NDUFA10: variants seen among roughly 807,000 people sequenced by gnomAD.
NDUFA10 encodes the protein NADH dehydrogenase [ubiquinone] 1 alpha subcomplex subunit 10, mitochondrial.
Under a neutral mutation model 47.8 loss-of-function variants are expected in NDUFA10, and 40 were observed. The ratio of observed to expected loss-of-function variants is 0.84; its 90% CI spans 0.65 to 1.09. NDUFA10 has a LOEUF of 1.09. Among genes scored for constraint, NDUFA10 ranks in the 50% least tolerant of loss-of-function variants. The pLI, the probability that NDUFA10 is intolerant of heterozygous loss-of-function variation, is 0.00. For synonymous variants in NDUFA10, 183 were observed against 172.2 expected, an observed-to-expected ratio of 1.06 and a Z score of -0.49; for missense variants, 413 against 451.1, an observed-to-expected ratio of 0.92 and a Z score of 0.76.
intron 4 of NDUFA10, among the ~76,000 whole-genome samples, chr2:240,015,562 T>C (rs1697313477): frequency 6.6e-6 from 1 of 152,182 alleles, no homozygotes; most frequent in South Asian, 2.1e-4. Flanking sequence ...CAACATGAAA[T>C]TGAAAGCAGC....
At chr2:239,940,211 C>T (rs199918611) in intron 4 of NDUFA10, among the ~76,000 whole-genome samples, 2 of 152,358 alleles carry the variant, frequency 1.3e-5, no homozygotes, top group East Asian at 3.9e-4. Flanking sequence ...TGACACGTCA[C>T]AGCTGTGTTC....
chr2:239,977,205 C>A (rs1456772276), intron 9 of NDUFA10, among the ~76,000 whole-genome samples: 3 of 152,208 alleles, frequency 2.0e-5, no homozygotes, highest in African/African-American at 7.2e-5. Context: ...ACGAAGGCCA[C>A]TGGACCCCAA....
At chr2:239,967,969 G>GA (rs763408659) in intron 9 of NDUFA10, among the ~76,000 whole-genome samples, 1 of 69,894 alleles carries the variant, frequency 1.4e-5, no homozygotes, top group Non-Finnish European at 3.0e-5. Context: ...ATCAGTCAAG[G>GA]AAAAAAATAT....
chr2:239,968,870 C>T (rs555665417), intron 9 of NDUFA10, among the ~76,000 whole-genome samples: 50 of 152,276 alleles, frequency 3.3e-4, no homozygotes, highest in Non-Finnish European at 6.8e-4. Flanking sequence ...TCTCGCTGCA[C>T]GCATGCAGCA....
At position 239,928,344 on chromosome 2, in the gene NDUFA10, A is replaced by G. The variant is rs1396390884; in HGVS notation, c.295-33030T>C. Among the ~76,000 whole-genome samples, 1 of 152,206 alleles carries G rather than the reference A, an allele frequency of 6.6e-6. No individual in the cohort carries two copies. The highest frequency in any genetic ancestry group is 2.4e-5 in the African/African-American group (1 of 41,462). The stretch of plus-strand genomic sequence containing the variant: ...AATTCCATGAATCATGACTAAAGAA[A>G]AGAAGGCAAAAGACAAGATGAAATA... On this transcript the variant is annotated intron_variant, in intron 4 of 5. Coordinates refer to the NDUFA10 transcript ENST00000419408. The surrounding 1 kb of genome is among the most constrained non-coding windows in gnomAD (Gnocchi z 4.3).
rs1694827079 is a variant in NDUFA10, at chr2:239,960,873, G to T, written c.*245C>A. 1 of 1,406,078 alleles carries T rather than the reference G, an allele frequency of 7.1e-7. No homozygotes were observed. Among genetic ancestry groups the T allele is most frequent in the Non-Finnish European group, 9.3e-7 (1 of 1,074,800 alleles). 87.1% of individuals were successfully genotyped at this position (1,406,078 alleles called of 1,614,324 possible). ...TTTCACAGCAGACCACTGTTTTCCA[G>T]TGAGAATGGTGGGCCATTCCAAAAC... On this transcript the variant is annotated 3_prime_UTR_variant, in exon 10 of 10. Transcript: ENST00000252711.
chr2:239,971,360 C>A (rs1177609534), intron 9 of NDUFA10, among the ~76,000 whole-genome samples: 6 of 152,350 alleles, frequency 3.9e-5, no homozygotes, highest in African/African-American at 1.4e-4. Context: ...TGGCTTTTCT[C>A]TACTGAACAC....
intron 4 of NDUFA10, among the ~76,000 whole-genome samples, chr2:239,915,353 A>AGAG (rs1693843049): frequency 6.6e-6 from 1 of 150,636 alleles, no homozygotes. Context: ...ACTCAGACAC[A>AGAG]CACAAATATA....
At chr2:239,911,952 T>G (rs57409058) in intron 4 of NDUFA10, among the ~76,000 whole-genome samples, 40,018 of 151,572 alleles carry the variant, frequency 0.26, 5,783 homozygotes, top group Middle Eastern at 0.34. Flanking sequence ...CCCTGGGGGG[T>G]TTCCTGGGAT....
chr2:239,986,370 A>G (rs1324555948), intron 9 of NDUFA10, among the ~76,000 whole-genome samples: 1 of 152,188 alleles, frequency 6.6e-6, no homozygotes, highest in Non-Finnish European at 1.5e-5. Context: ...GAGACAGGAG[A>G]CTAGCTACGC....
chr2:240,000,017 G>A (rs1696640591), intron 8 of NDUFA10, among the ~76,000 whole-genome samples: 1 of 152,248 alleles, frequency 6.6e-6, no homozygotes, highest in Non-Finnish European at 1.5e-5. Context: ...TGTCTGCGGT[G>A]ATGTGGCATT....
intron 4 of NDUFA10, among the ~76,000 whole-genome samples, chr2:239,938,670 G>A (rs1361584982): frequency 2.0e-5 from 3 of 152,200 alleles, no homozygotes; most frequent in African/African-American, 7.2e-5. Flanking sequence ...CTGCCCTGGG[G>A]GGCTGCAGGG....
chr2:240,011,807 A>C, intron 5 of NDUFA10, 111 bp from the exon 6 acceptor site: 113 of 928,254 alleles, frequency 1.2e-4, no homozygotes, highest in Non-Finnish European at 1.8e-4. Flanking sequence ...CTTACAACTC[A>C]CACCGGGCAC....
chr2:240,011,945 G>A lies in NDUFA10; in HGVS notation c.670-249C>T, dbSNP rs556981460. The stretch of plus-strand genomic sequence containing the variant: ...TGACTTTCTCCACACATTCTAAGAT[G>A]TATACTTAGGGCAAGAAAGATGCCT... On this transcript the variant is annotated intron_variant, in intron 5 of 9. Transcript: ENST00000252711. 5.9e-6 allele frequency: 3 copies of A among 505,848 alleles called. No homozygotes were observed. In the South Asian group the frequency reaches 6.0e-5, roughly 10 times the overall value. The allele number at this position is 505,848 out of a possible 1,614,324, so 31.3% of individuals were successfully genotyped here.
At chr2:239,894,625 T>C (rs570744763) in intron 5 of NDUFA10, among the ~76,000 whole-genome samples, 2 of 152,232 alleles carry the variant, frequency 1.3e-5, no homozygotes, top group South Asian at 4.1e-4. Context: ...TTCTCTGCCT[T>C]GTTGCTCTGT....
chr2:239,933,239 C>T lies in NDUFA10; in HGVS notation c.295-37925G>A, dbSNP rs771721921. Reference sequence around the variant, plus strand: ...TTGAGGAACAGAGGAACTCTGCCCACCCAGGCCATATCCCTCCATCCCATC... The same window carrying T: ...TTGAGGAACAGAGGAACTCTGCCCATCCAGGCCATATCCCTCCATCCCATC... On this transcript the variant is annotated intron_variant, in intron 4 of 5. Coordinates refer to the NDUFA10 transcript ENST00000419408. Among the ~76,000 whole-genome samples the T allele has an allele frequency of 2.2e-3, 328 of 152,344 alleles. 5 individuals are homozygous for T. The highest frequency in any genetic ancestry group is 5.3e-4 in the Non-Finnish European group (36 of 68,030).
intron 4 of NDUFA10, among the ~76,000 whole-genome samples, chr2:239,915,358 A>G (rs1693843119): frequency 6.7e-6 from 1 of 150,168 alleles, no homozygotes; most frequent in Non-Finnish European, 1.5e-5. Context: ...GACACACACA[A>G]ATATACAGAC....
intron 9 of NDUFA10, among the ~76,000 whole-genome samples, chr2:239,976,771 G>A (rs906242172): frequency 3.9e-5 from 6 of 152,170 alleles, no homozygotes; most frequent in Non-Finnish European, 5.9e-5. Context: ...TCCACCATGC[G>A]GAGCCAGAAA....
intron 4 of NDUFA10, among the ~76,000 whole-genome samples, chr2:239,944,785 C>T (rs988957125): frequency 1.3e-5 from 2 of 152,166 alleles, no homozygotes; most frequent in African/African-American, 4.8e-5. Context: ...CAAGCTCTGT[C>T]CACGCCCAGA....
Sources: allele counts gnomAD v4.1 joint callset (sites outside exome capture counted in the v4.1 genomes callset), GRCh38; gene constraint gnomAD v4.1.1; non-coding constraint Gnocchi (gnomAD v3.1); transcripts MANE v1.5; gene names NCBI Gene and HGNC (gene_info 2026-07-23, HGNC 2026-07-21).